GNAQ: variants seen among roughly 807,000 people sequenced by gnomAD.
GNAQ encodes the protein G protein subunit alpha q.
In GNAQ, 8 loss-of-function variants were observed where a neutral mutation model predicts 43.9. The observed-to-expected ratio is 0.18, with a 90% confidence interval of 0.11 to 0.33. The LOEUF (loss-of-function observed/expected upper bound fraction) is 0.33, where lower values mean the gene tolerates loss of function less well. GNAQ is among the 10% of genes least tolerant of loss of function. The pLI is 1.00. For synonymous variants in GNAQ, 155 were observed against 170.7 expected (o/e 0.91, Z 0.71); for missense variants, 158 against 450.8 (o/e 0.35, Z 5.88).
chr9:77,931,066 G>A (rs962503025), intron 1 of GNAQ, among the ~76,000 whole-genome samples: 5 of 150,580 alleles, frequency 3.3e-5, no homozygotes, highest in African/African-American at 9.8e-5. Flanking sequence ...CCCCCGACCC[G>A]ACCCCCATCC....
intron 2 of GNAQ, among the ~76,000 whole-genome samples, chr9:77,907,726 TC>T (rs1828733962): frequency 6.6e-6 from 1 of 152,240 alleles, no homozygotes; most frequent in South Asian, 2.1e-4. Context: ...TATCATGTAA[TC>T]GGCTCTCTGA....
At position 77,785,635 on chromosome 9, in the gene GNAQ, A is replaced by G. The variant is rs1251386932; in HGVS notation, c.735+8828T>C. On this transcript the variant is annotated intron_variant, in intron 5 of 6. Coordinates refer to ENST00000286548, the MANE Select transcript of GNAQ (RefSeq NM_002072.5). Reference sequence around the variant, plus strand: ...TTATAATCTGTATACTTTTCTATACATGTATATGCCAATAAAAACATTATT... The same window carrying G: ...TTATAATCTGTATACTTTTCTATACGTGTATATGCCAATAAAAACATTATT... Among the ~76,000 whole-genome samples the G allele has an allele frequency of 6.6e-5, 10 of 152,240 alleles. No individual in the cohort carries two copies. In the East Asian group the frequency reaches 1.2e-3, roughly 18 times the overall value.
chr9:78,026,035 C>T (rs1823975490), intron 1 of GNAQ, among the ~76,000 whole-genome samples: 1 of 152,054 alleles, frequency 6.6e-6, no homozygotes, highest in East Asian at 1.9e-4. Context: ...TGAACATAAG[C>T]CATTTCTCCT....
intron 1 of GNAQ, among the ~76,000 whole-genome samples, chr9:77,982,833 T>C (rs1823385496): frequency 6.6e-6 from 1 of 150,610 alleles, no homozygotes; most frequent in Non-Finnish European, 1.5e-5. Flanking sequence ...TAATGGGAGA[T>C]ATACCTAATG....
At chr9:77,818,987 G>A (rs1383199734) in intron 2 of GNAQ, among the ~76,000 whole-genome samples, 1 of 56,970 alleles carries the variant, frequency 1.8e-5, no homozygotes, top group Admixed American at 2.9e-4. Flanking sequence ...GTAACAGAGA[G>A]AAATACCATC....
intron 5 of GNAQ, among the ~76,000 whole-genome samples, chr9:77,748,867 T>C (rs1825770348): frequency 6.6e-6 from 1 of 152,158 alleles, no homozygotes. Context: ...AGTCCAGATG[T>C]TGTATCGGAC....
chr9:77,904,526 G>A (rs906172202), intron 2 of GNAQ, among the ~76,000 whole-genome samples: 1 of 151,852 alleles, frequency 6.6e-6, no homozygotes, highest in East Asian at 1.9e-4. Flanking sequence ...TAGAGACAAG[G>A]TTTCACCATG....
At chr9:78,017,436 A>T (rs1163383311) in intron 1 of GNAQ, among the ~76,000 whole-genome samples, 2 of 152,246 alleles carry the variant, frequency 1.3e-5, no homozygotes, top group Non-Finnish European at 2.9e-5. Context: ...CATATTACTG[A>T]ATGAAAAAAA....
intron 1 of GNAQ, among the ~76,000 whole-genome samples, chr9:77,994,993 A>G (rs918299378): frequency 1.3e-5 from 2 of 152,218 alleles, no homozygotes; most frequent in Admixed American, 6.5e-5. Flanking sequence ...GACTTTACAA[A>G]GTGAGAAATA....
intron 2 of GNAQ, among the ~76,000 whole-genome samples, chr9:77,820,568 C>T (rs904649090): frequency 6.6e-6 from 1 of 152,170 alleles, no homozygotes; most frequent in Admixed American, 6.5e-5. Context: ...CATGACACAG[C>T]CTTTTGAAGC....
chr9:77,788,556 G>A (rs1826519741), intron 5 of GNAQ, among the ~76,000 whole-genome samples: 2 of 152,180 alleles, frequency 1.3e-5, no homozygotes, highest in Admixed American at 1.3e-4. Flanking sequence ...TCTGGGGAAG[G>A]AGAGAAATGA....
intron 2 of GNAQ, among the ~76,000 whole-genome samples, chr9:77,907,908 C>T (rs1388436301): frequency 6.6e-6 from 1 of 152,132 alleles, no homozygotes; most frequent in African/African-American, 2.4e-5. Flanking sequence ...AAATTAAATA[C>T]ATGTGTCCTA....
At position 77,941,500 on chromosome 9, in the gene GNAQ, C is replaced by T. The variant is rs567362068; in HGVS notation, c.137-19155G>A. On this transcript the variant is annotated intron_variant, in intron 1 of 6. Coordinates refer to ENST00000286548, the MANE Select transcript of GNAQ (RefSeq NM_002072.5). ...TCCTGACCTCATGATCCGCCTGCCT[C>T]GGCCTCCCAAAGTGCTGGGATTACA... is the stretch of plus-strand genomic sequence containing the variant. Among the ~76,000 whole-genome samples, 265 of 152,254 alleles carry T rather than the reference C, an allele frequency of 1.7e-3. 1 individual carries two copies. Among genetic ancestry groups the T allele is most frequent in the African/African-American group, 6.2e-3 (256 of 41,536 alleles).
At chr9:78,011,521 A>G (rs1464912045) in intron 1 of GNAQ, among the ~76,000 whole-genome samples, 1 of 152,254 alleles carries the variant, frequency 6.6e-6, no homozygotes, top group East Asian at 1.9e-4. Flanking sequence ...TATCAAGAAA[A>G]TGTAACAAAA....
chr9:77,793,604 T>C (rs1198025184), intron 5 of GNAQ, among the ~76,000 whole-genome samples: 1 of 152,102 alleles, frequency 6.6e-6, no homozygotes, highest in African/African-American at 2.4e-5. Flanking sequence ...TCTTTTTTGC[T>C]ACCCTATTAT....
At chr9:78,022,498 T>G (rs2118608200) in intron 1 of GNAQ, among the ~76,000 whole-genome samples, 1 of 152,262 alleles carries the variant, frequency 6.6e-6, no homozygotes, top group South Asian at 2.1e-4. Flanking sequence ...GAATCCAAAA[T>G]GCACAGCCAT....
At chr9:77,811,875 TTACA>T (rs1826933629) in intron 3 of GNAQ, among the ~76,000 whole-genome samples, 1 of 152,046 alleles carries the variant, frequency 6.6e-6, no homozygotes, top group African/African-American at 2.4e-5. Context: ...ACACAACCCC[TTACA>T]TAACTGGCAG....
At chr9:77,916,004 C>G (rs1828896763) in intron 2 of GNAQ, among the ~76,000 whole-genome samples, 1 of 152,194 alleles carries the variant, frequency 6.6e-6, no homozygotes, top group African/African-American at 2.4e-5. Flanking sequence ...AGAATCCAGG[C>G]TGCTCCAAAT....
At chr9:77,763,757 G>A (rs2118348546) in intron 5 of GNAQ, among the ~76,000 whole-genome samples, 1 of 152,290 alleles carries the variant, frequency 6.6e-6, no homozygotes, top group South Asian at 2.1e-4. Flanking sequence ...CAAACATGGA[G>A]TAAGAAGCAA....
Sources: gnomAD v4.1 joint callset for allele counts (sites outside exome capture counted in the v4.1 genomes callset) on GRCh38, gnomAD v4.1.1 for gene constraint, MANE v1.5 for transcripts, NCBI Gene and HGNC (gene_info 2026-07-23, HGNC 2026-07-21) for gene names.